Variants in SLC16A10 observed in about 807,000 individuals in gnomAD.
SLC16A10 encodes the protein monocarboxylate transporter 10.
SLC16A10 carries 27 observed loss-of-function variants against 40.0 expected under a neutral mutation model. The ratio of observed to expected loss-of-function variants is 0.67; its 90% CI spans 0.50 to 0.93. The LOEUF (loss-of-function observed/expected upper bound fraction) is 0.93. Ranked by LOEUF, SLC16A10 falls within the 40% of genes least tolerant of loss-of-function variation. SLC16A10 has a pLI of 0.00. For missense variants in SLC16A10, 529 were observed against 658.2 expected, an observed-to-expected ratio of 0.80 and a Z score of 2.15; for synonymous variants, 213 against 249.8, an observed-to-expected ratio of 0.85 and a Z score of 1.39.
chr6:111,145,792 T>C (rs547368119), intron 1 of SLC16A10, among the ~76,000 whole-genome samples: 1 of 152,262 alleles, frequency 6.6e-6, no homozygotes, highest in East Asian at 1.9e-4. Context: ...GAGGCTGCAG[T>C]GAGCTATGAT....
intron 3 of SLC16A10, among the ~76,000 whole-genome samples, chr6:111,200,592 GA>G (rs901289117): frequency 1.1e-4 from 16 of 152,044 alleles, no homozygotes; most frequent in African/African-American, 3.6e-4. Context: ...AAAAAAGAAA[GA>G]AAAAAACAAA....
intron 3 of SLC16A10, among the ~76,000 whole-genome samples, chr6:111,189,382 C>G (rs573546585): frequency 6.8e-4 from 104 of 152,268 alleles, no homozygotes; most frequent in Non-Finnish European, 1.3e-3. Context: ...CAGAATTTCT[C>G]AAGTCTCTAA....
chr6:111,156,699 G>A lies in SLC16A10; in HGVS notation c.344-15996G>A, dbSNP rs113664810. Among the ~76,000 whole-genome samples, 390 of 152,200 alleles carry A rather than the reference G, an allele frequency of 2.6e-3. 2 individuals carry two copies. Among genetic ancestry groups the A allele is most frequent in the African/African-American group, 8.9e-3 (369 of 41,528 alleles). ...ATGTGGTATCTTGTATGGGATCTTG[G>A]AATAGAAAAAGGATATTAGTTAAAA... On this transcript the variant is annotated intron_variant, in intron 1 of 5. Coordinates refer to ENST00000368851, the MANE Select transcript of SLC16A10 (RefSeq NM_018593.5).
At chr6:111,206,555 C>T (rs375269744) in intron 3 of SLC16A10, 37 bp from the exon 4 acceptor site, 313 of 1,612,250 alleles carry the variant, frequency 1.9e-4, no homozygotes, top group Non-Finnish European at 2.2e-4. Context: ...AGTTTTTCTA[C>T]CATATTCAGT....
Position 111,176,794 on chromosome 6 carries a change from CT to C in SLC16A10, c.489-417del, listed in dbSNP as rs1197852284. ...AAATAATTAGATTTCATAGTTAATT[CT>C]AACTTTTTTAAAAAATGTTTCATTG... On this transcript the variant is annotated intron_variant, in intron 2 of 5. Transcript: ENST00000368851. Among the ~76,000 whole-genome samples the C allele has an allele frequency of 3.9e-5, 6 of 152,306 alleles. No homozygotes were observed. In the East Asian group the frequency reaches 5.8e-4, roughly 15 times the overall value.
At chr6:111,148,503 A>T (rs1772117533) in intron 1 of SLC16A10, among the ~76,000 whole-genome samples, 1 of 152,210 alleles carries the variant, frequency 6.6e-6, no homozygotes, top group Non-Finnish European at 1.5e-5. Flanking sequence ...ATGAGCAAGG[A>T]GGCATTTGAT....
chr6:111,159,747 T>C (rs1231132637), intron 1 of SLC16A10, among the ~76,000 whole-genome samples: 3 of 152,356 alleles, frequency 2.0e-5, no homozygotes, highest in Admixed American at 2.0e-4. Context: ...GTGTTTGTAC[T>C]ATTTTATATT....
At chr6:111,170,138 G>C (rs1244548100) in intron 1 of SLC16A10, among the ~76,000 whole-genome samples, 2 of 151,866 alleles carry the variant, frequency 1.3e-5, no homozygotes, top group Non-Finnish European at 2.9e-5. Context: ...GGCTGGTCTT[G>C]ATCCTGACCT....
chr6:111,121,881 C>T (rs1771590226), intron 1 of SLC16A10, among the ~76,000 whole-genome samples: 1 of 152,156 alleles, frequency 6.6e-6, no homozygotes, highest in Admixed American at 6.5e-5. Flanking sequence ...CCCAGTGGGC[C>T]AGTGGAGGCT....
intron 1 of SLC16A10, among the ~76,000 whole-genome samples, chr6:111,112,003 G>A (rs930370541): frequency 6.6e-6 from 1 of 151,858 alleles, no homozygotes; most frequent in African/African-American, 2.4e-5. Flanking sequence ...TGTGTATATA[G>A]GTATGTATAG....
chr6:111,131,072 T>G (rs562631939), intron 1 of SLC16A10, among the ~76,000 whole-genome samples: 1 of 152,366 alleles, frequency 6.6e-6, no homozygotes, highest in South Asian at 2.1e-4. Flanking sequence ...TTCACTCTAT[T>G]AAATCTTGCA....
At chr6:111,140,034 C>CA (rs1260137518) in intron 1 of SLC16A10, among the ~76,000 whole-genome samples, 1 of 151,692 alleles carries the variant, frequency 6.6e-6, no homozygotes, top group Non-Finnish European at 1.5e-5. Context: ...GGGAGAGGAG[C>CA]AAAAAAGATA....
intron 1 of SLC16A10, among the ~76,000 whole-genome samples, chr6:111,144,525 G>A (rs539174305): frequency 6.6e-6 from 1 of 152,222 alleles, no homozygotes; most frequent in Admixed American, 6.5e-5. Flanking sequence ...TTTTATCAAA[G>A]ATGTAAATTA....
chr6:111,147,917 G>C (rs773320837), intron 1 of SLC16A10, among the ~76,000 whole-genome samples: 7 of 152,284 alleles, frequency 4.6e-5, no homozygotes, highest in Non-Finnish European at 8.8e-5. Flanking sequence ...TGATTGGCAG[G>C]TTTCTCTTAC....
intron 1 of SLC16A10, among the ~76,000 whole-genome samples, chr6:111,129,653 C>T (rs1431897074): frequency 6.6e-6 from 1 of 152,166 alleles, no homozygotes; most frequent in Non-Finnish European, 1.5e-5. Context: ...CAAAGGCCTC[C>T]AAGATATAAC....
chr6:111,121,287 A>T lies in SLC16A10; in HGVS notation c.343+33192A>T, dbSNP rs554626225. On this transcript the variant is annotated intron_variant, in intron 1 of 5. Coordinates refer to ENST00000368851, the MANE Select transcript of SLC16A10 (RefSeq NM_018593.5). ...TTATCCAGATTTTATTGTGGCCGGC[A>T]ACGGTGGCTCACACCGGTAATCCCG... 2.6e-5 allele frequency among the ~76,000 whole-genome samples: 4 copies of T among 152,324 alleles called. No individual in the cohort carries two copies. The South Asian group carries it at 8.3e-4, about 32-fold the overall frequency.
intron 3 of SLC16A10, among the ~76,000 whole-genome samples, chr6:111,194,684 C>T (rs1054174948): frequency 2.0e-5 from 3 of 152,168 alleles, no homozygotes; most frequent in African/African-American, 7.2e-5. Context: ...GTGTCCCTGT[C>T]CCAACTTGTT....
At chr6:111,216,022 T>G (rs1583367830) in intron 4 of SLC16A10, among the ~76,000 whole-genome samples, 5 of 152,228 alleles carry the variant, frequency 3.3e-5, no homozygotes, top group Admixed American at 3.3e-4. Context: ...GTTTATCTAC[T>G]TAGATTTTCA....
chr6:111,099,475 G>A (rs1346577096), intron 1 of SLC16A10, among the ~76,000 whole-genome samples: 1 of 151,984 alleles, frequency 6.6e-6, no homozygotes, highest in African/African-American at 2.4e-5. Flanking sequence ...ACTACACCTG[G>A]CTAATTTTTA....
Sources: allele counts gnomAD v4.1 joint callset (sites outside exome capture counted in the v4.1 genomes callset), GRCh38; gene constraint gnomAD v4.1.1; transcripts MANE v1.5; gene names NCBI Gene and HGNC (gene_info 2026-07-23, HGNC 2026-07-21).